The following PHACTR1 variants were observed in gnomAD, a reference collection of about 807,000 sequenced individuals.
The protein encoded by PHACTR1 is RPEL repeat containing 1.
Under a neutral mutation model 69.2 loss-of-function variants are expected in PHACTR1, and 16 were observed. The observed-to-expected ratio is 0.23, with a 90% CI of 0.16 to 0.35. PHACTR1 has a LOEUF of 0.35. Ranked by LOEUF, PHACTR1 falls within the 10% of genes least tolerant of loss-of-function variation. The pLI is 1.00. For missense variants in PHACTR1, 510 were observed against 734.7 expected (o/e 0.69, Z 3.54); for synonymous variants, 312 against 284.5 (o/e 1.10, Z -0.97).
At chr6:12,929,244 A>G (rs1235811221) in intron 4 of PHACTR1, among the ~76,000 whole-genome samples, 1 of 152,160 alleles carries the variant, frequency 6.6e-6, no homozygotes, top group Non-Finnish European at 1.5e-5. Context: ...GGCTGCAGCT[A>G]GAATCCAGCT....
chr6:12,836,581 T>C (rs547277266), intron 4 of PHACTR1, among the ~76,000 whole-genome samples: 1 of 152,236 alleles, frequency 6.6e-6, no homozygotes, highest in East Asian at 1.9e-4. Context: ...ACTGTCCCTG[T>C]AAACTTTATT....
At chr6:13,200,088 A>G (rs1274573638) in intron 7 of PHACTR1, among the ~76,000 whole-genome samples, 1 of 152,222 alleles carries the variant, frequency 6.6e-6, no homozygotes, top group Non-Finnish European at 1.5e-5. Context: ...CAGATGCTGG[A>G]TGGAACTGAT....
chr6:13,247,055 A>C (rs928460189), intron 10 of PHACTR1, among the ~76,000 whole-genome samples: 6 of 152,160 alleles, frequency 3.9e-5, no homozygotes, highest in Admixed American at 1.3e-4. Context: ...ATTCCTTTGA[A>C]ATATAAGTGA....
At chr6:13,097,384 A>G (rs1415817181) in intron 5 of PHACTR1, among the ~76,000 whole-genome samples, 1 of 152,218 alleles carries the variant, frequency 6.6e-6, no homozygotes, top group Non-Finnish European at 1.5e-5. Flanking sequence ...TCCACCAGAA[A>G]TAGTATAAAG....
At chr6:13,279,148 G>C (rs1779614062) in intron 12 of PHACTR1, 1 of 151,654 alleles carries the variant, frequency 6.6e-6, no homozygotes, top group South Asian at 2.1e-4. Context: ...TGTTTGAGAA[G>C]CACATAGCTT....
intron 4 of PHACTR1, among the ~76,000 whole-genome samples, chr6:12,751,177 A>G (rs1015197139): frequency 6.6e-6 from 1 of 152,258 alleles, no homozygotes; most frequent in Non-Finnish European, 1.5e-5. Flanking sequence ...AGAGTGGCCA[A>G]CTGCCTTGGA....
rs756701338 is a variant in PHACTR1, at chr6:13,189,285, C to T, written c.664+6599C>T. Among the ~76,000 whole-genome samples the T allele has an allele frequency of 2.6e-5, 4 of 152,056 alleles. No homozygotes were observed. The South Asian group carries it at 6.2e-4, about 24-fold the overall frequency. The stretch of plus-strand genomic sequence containing the variant: ...ATTTGGAGAAATTAAAGGACTTGGT[C>T]GTAGTTACTTAGCTAGTAAGTGGCA... On this transcript the variant is annotated intron_variant, in intron 7 of 14. Coordinates refer to ENST00000332995, the MANE Select transcript of PHACTR1 (RefSeq NM_030948.6).
intron 4 of PHACTR1, among the ~76,000 whole-genome samples, chr6:12,776,072 TAAAC>T (rs879684304): frequency 6.6e-6 from 1 of 152,184 alleles, no homozygotes; most frequent in Non-Finnish European, 1.5e-5. Context: ...TTTAAAGAAA[TAAAC>T]AAACTACTGT....
intron 4 of PHACTR1, among the ~76,000 whole-genome samples, chr6:13,025,897 C>G (rs1470605037): frequency 6.6e-6 from 1 of 152,070 alleles, no homozygotes; most frequent in Non-Finnish European, 1.5e-5. Flanking sequence ...TTAAAAAAAG[C>G]AACTGCTCAG....
intron 4 of PHACTR1, among the ~76,000 whole-genome samples, chr6:13,050,847 A>G (rs1391673087): frequency 6.6e-6 from 1 of 152,198 alleles, no homozygotes. Flanking sequence ...AATGTTAGCC[A>G]TTCTTGCTTC....
At chr6:13,206,765 C>A (rs1765986550) in intron 8 of PHACTR1, among the ~76,000 whole-genome samples, 1 of 152,154 alleles carries the variant, frequency 6.6e-6, no homozygotes, top group South Asian at 2.1e-4. Context: ...TACACCCACA[C>A]CCACACCCAC....
intron 4 of PHACTR1, among the ~76,000 whole-genome samples, chr6:12,863,643 T>C (rs921394925): frequency 6.6e-5 from 10 of 152,354 alleles, no homozygotes; most frequent in Admixed American, 2.0e-4. Flanking sequence ...TGGGAGGACA[T>C]TCTCAGGAAA....
chr6:12,857,105 T>C (rs1238238491), intron 4 of PHACTR1, among the ~76,000 whole-genome samples: 1 of 152,216 alleles, frequency 6.6e-6, no homozygotes, highest in East Asian at 1.9e-4. Flanking sequence ...CTCTTCTTAA[T>C]AAGGACCTCT....
At chr6:13,115,198 A>T (rs1817632106) in intron 5 of PHACTR1, among the ~76,000 whole-genome samples, 1 of 152,230 alleles carries the variant, frequency 6.6e-6, no homozygotes, top group Non-Finnish European at 1.5e-5. Flanking sequence ...TGCTATAATG[A>T]CTTGGGACAG....
intron 6 of PHACTR1, among the ~76,000 whole-genome samples, chr6:13,175,164 A>C (rs1223114798): frequency 1.3e-5 from 2 of 152,246 alleles, no homozygotes; most frequent in Admixed American, 6.5e-5. Flanking sequence ...ATAAAGCAGA[A>C]ATTCATTCAT....
chr6:12,847,382 A>G (rs1013952799), intron 4 of PHACTR1, among the ~76,000 whole-genome samples: 1 of 152,238 alleles, frequency 6.6e-6, no homozygotes, highest in African/African-American at 2.4e-5. Context: ...AAAAGAGATG[A>G]GTCAAAAACC....
chr6:13,281,922 G>A (rs1327572851), intron 12 of PHACTR1, among the ~76,000 whole-genome samples: 4 of 152,230 alleles, frequency 2.6e-5, no homozygotes, highest in Non-Finnish European at 4.4e-5. Flanking sequence ...CACCAGAGGC[G>A]GCTGAGCCCC....
chr6:12,742,922 C>T (rs1413717267), intron 3 of PHACTR1, among the ~76,000 whole-genome samples: 1 of 152,074 alleles, frequency 6.6e-6, no homozygotes, highest in Non-Finnish European at 1.5e-5. Flanking sequence ...GGCATTCCTA[C>T]ACAAAGAGTA....
chr6:13,107,137 A>C (rs1037435719), intron 5 of PHACTR1, among the ~76,000 whole-genome samples: 1 of 151,980 alleles, frequency 6.6e-6, no homozygotes, highest in Non-Finnish European at 1.5e-5. Context: ...CACTCTTTCC[A>C]GACAGACTCT....
Sources: gnomAD v4.1 joint callset for allele counts (sites outside exome capture counted in the v4.1 genomes callset) on GRCh38, gnomAD v4.1.1 for gene constraint, MANE v1.5 for transcripts, NCBI Gene and HGNC (gene_info 2026-07-23, HGNC 2026-07-21) for gene names.